The following DBF4 variants were observed in gnomAD, a reference collection of about 807,000 sequenced individuals.
DBF4 encodes DBF4-CDC7 kinase regulatory subunit, also known as protein DBF4 homolog A.
DBF4 carries 25 observed loss-of-function variants against 76.6 expected under a neutral mutation model. The observed-to-expected ratio is 0.33, with a 90% CI of 0.24 to 0.46. DBF4 has a LOEUF of 0.46. Ranked by LOEUF, DBF4 falls within the 20% of genes least tolerant of loss-of-function variation. The probability of loss-of-function intolerance (pLI) is 1.00; values close to 1 mark genes in which losing one functional copy is unlikely to be tolerated. For synonymous variants in DBF4, 213 were observed against 258.0 expected, an observed-to-expected ratio of 0.83 and a Z score of 1.67; for missense variants, 638 against 760.8, an observed-to-expected ratio of 0.84 and a Z score of 1.90.
intron 6 of DBF4, among the ~76,000 whole-genome samples, chr7:87,891,139 C>T (rs1314542127): frequency 1.4e-5 from 2 of 142,618 alleles, no homozygotes; most frequent in African/African-American, 5.1e-5. Flanking sequence ...TTACTCATTG[C>T]TTTATTTAAA....
intron 2 of DBF4, among the ~76,000 whole-genome samples, chr7:87,882,213 C>G (rs1035926484): frequency 6.6e-6 from 1 of 152,078 alleles, no homozygotes; most frequent in Admixed American, 6.5e-5. Context: ...AGAAGGGTGC[C>G]AAGACCATTC....
In DBF4 at chr7:87,876,503, C is replaced by G. The variant is rs1245561789; in HGVS notation, c.-230C>G. On this transcript the variant is annotated 5_prime_UTR_variant, in exon 1 of 12. Transcript: ENST00000265728. The stretch of plus-strand genomic sequence containing the variant: ...GCGTGACGCGTTTTCAAATCTTCAA[C>G]CGCCGCAGCCCACTCGTTTGTGCTT... 4.2e-6 allele frequency: 2 copies of G among 479,516 alleles called. No homozygotes were observed. The highest frequency in any genetic ancestry group is 7.5e-6 in the Non-Finnish European group (2 of 267,648). 29.7% of individuals were successfully genotyped at this position (479,516 alleles called of 1,614,324 possible). A position where few individuals can be genotyped will look rare whatever the true frequency, so the allele number is the denominator to read the frequency against.
At chr7:87,893,997 C>T (rs762282361) in intron 6 of DBF4, among the ~76,000 whole-genome samples, 56 of 152,104 alleles carry the variant, frequency 3.7e-4, no homozygotes, top group Admixed American at 9.8e-4. Flanking sequence ...TGTGACCTTT[C>T]GCAATCTATC....
rs1839309472 is a variant in DBF4 at position 87,885,013 on chromosome 7, A to T, written c.254A>T (p.Tyr85Phe). 6.2e-7 allele frequency: 1 copy of T among 1,612,262 alleles called. No individual in the cohort carries two copies. The highest frequency in any genetic ancestry group is 2.2e-5 in the East Asian group (1 of 44,870). ...GAATTTCTCAGCAAAGATATCAGTT[A>T]TCTTATTTCAAATAAGAAGGAAGCT... ...VEEFLSKDIS[Y>F]LISNKKEAKF... The change falls in exon 3 of 12, where the codon TAT becomes TTT. Residue 85 changes from tyrosine to phenylalanine, a missense_variant. Physicochemically the swap from Tyr to Phe is conservative, Grantham distance 22 (BLOSUM62 3). Transcript: ENST00000265728.
At chr7:87,876,820 C>T (rs777760808) in intron 1 of DBF4, 42 bp downstream of exon 1, 3 of 1,606,386 alleles carry the variant, frequency 1.9e-6, no homozygotes, top group Admixed American at 1.7e-5. Context: ...TTAATCCTTT[C>T]CTCCCCTCGT....
At chr7:87,896,365 T>G in intron 6 of DBF4, 109 bp from the exon 7 acceptor site, 1 of 789,722 alleles carries the variant, frequency 1.3e-6, no homozygotes. Context: ...CCTTCTTTGA[T>G]ATAGCACTTT....
At chr7:87,897,714 C>T (rs1460739215) in intron 8 of DBF4, among the ~76,000 whole-genome samples, 1 of 152,172 alleles carries the variant, frequency 6.6e-6, no homozygotes, top group Non-Finnish European at 1.5e-5. Context: ...CTAAGTATAA[C>T]ATCTAACATG....
intron 6 of DBF4, among the ~76,000 whole-genome samples, chr7:87,891,059 T>C (rs1421840269): frequency 6.6e-6 from 1 of 152,124 alleles, no homozygotes; most frequent in South Asian, 2.1e-4. Context: ...TCAAAATGTT[T>C]ATTAGGTTCC....
intron 6 of DBF4, among the ~76,000 whole-genome samples, chr7:87,889,779 A>C (rs1839441093): frequency 6.6e-6 from 1 of 152,236 alleles, no homozygotes; most frequent in African/African-American, 2.4e-5. Flanking sequence ...ACTGGTCAGA[A>C]GTTTTATACC....
intron 7 of DBF4, among the ~76,000 whole-genome samples, chr7:87,896,981 A>G (rs1413598232): frequency 2.0e-5 from 3 of 152,216 alleles, no homozygotes; most frequent in Non-Finnish European, 2.9e-5. Context: ...TTTATAATTG[A>G]AGGAAATGCT....
chr7:87,886,733 G>T (rs1047723233), intron 3 of DBF4, 111 bp from the exon 4 acceptor site: 6 of 684,634 alleles, frequency 8.8e-6, no homozygotes, highest in Admixed American at 5.8e-5. Context: ...ACCCAAAAAA[G>T]AGAAACTTTT....
chr7:87,877,768 A>G (rs1839105457), intron 1 of DBF4, among the ~76,000 whole-genome samples: 1 of 152,238 alleles, frequency 6.6e-6, no homozygotes, highest in African/African-American at 2.4e-5. Context: ...ACATCCTAAA[A>G]AAAGAAAATC....
chr7:87,885,293 C>T, intron 3 of DBF4, 135 bp downstream of exon 3: 1 of 668,018 alleles, frequency 1.5e-6, no homozygotes, highest in Non-Finnish European at 2.4e-6. Flanking sequence ...GCTCTCTAGT[C>T]CTCAATAAAG....
At chr7:87,906,064 G>A (rs1251094829) in intron 11 of DBF4, among the ~76,000 whole-genome samples, 1 of 151,790 alleles carries the variant, frequency 6.6e-6, no homozygotes, top group Admixed American at 6.6e-5. Flanking sequence ...AGGCTGAGGC[G>A]CAAGAATCAC....
intron 6 of DBF4, 131 bp downstream of exon 6, chr7:87,888,190 C>G (rs1839407667): frequency 1.6e-6 from 2 of 1,273,586 alleles, no homozygotes; most frequent in South Asian, 4.2e-5. Context: ...TTCTGTTATT[C>G]AAATAAATCG....
chr7:87,897,447 AT>A, intron 8 of DBF4, 108 bp downstream of exon 8: 1 of 1,016,382 alleles, frequency 9.8e-7, no homozygotes, highest in Non-Finnish European at 1.5e-6. Flanking sequence ...TTTGTGTTTG[AT>A]TTATATTATA....
rs1839643323 is a variant in DBF4, at chr7:87,896,495, G to A, written c.619G>A (p.Ala207Thr). 1.9e-6 allele frequency: 3 copies of A among 1,611,166 alleles called. No individual in the cohort carries two copies. The South Asian group carries it at 3.3e-5, about 18-fold the overall frequency. Residue 207 changes from alanine (A) to threonine (T), a missense_variant, in exon 7 of 12, where the codon GCA becomes ACA. Ala to Thr is a moderately conservative substitution (Grantham distance 58, BLOSUM62 0). Transcript: ENST00000265728. ...RDGGKRVGSG[A>T]QKTRTGRLKK... is the part of the protein sequence containing the mutation. ...TTAGGGCAAAAGAGTTGGTAGTGGTGCACAAAAAACAAGAAGTAAGTATTT... is the reference window on the plus strand; with the variant it reads ...TTAGGGCAAAAGAGTTGGTAGTGGTACACAAAAAACAAGAAGTAAGTATTT...
At chr7:87,880,492 A>G (rs1450786247) in intron 2 of DBF4, among the ~76,000 whole-genome samples, 3 of 152,160 alleles carry the variant, frequency 2.0e-5, no homozygotes, top group African/African-American at 4.8e-5. Flanking sequence ...TGATCTTCCC[A>G]TACTATCTTT....
chr7:87,898,885 C>T (rs1839702749), intron 8 of DBF4, among the ~76,000 whole-genome samples: 1 of 151,542 alleles, frequency 6.6e-6, no homozygotes, highest in Admixed American at 6.6e-5. Flanking sequence ...AACAATTTGG[C>T]ATTGGAATAA....
Sources: allele counts gnomAD v4.1 joint callset (sites outside exome capture counted in the v4.1 genomes callset), GRCh38; gene constraint gnomAD v4.1.1; transcripts MANE v1.5; gene names NCBI Gene and HGNC (gene_info 2026-07-23, HGNC 2026-07-21).